Variants in KLK1 observed in about 807,000 individuals in gnomAD.
KLK1 encodes the protein kallikrein 1, also known as kallikrein-1.
A neutral mutation model predicts 23.3 loss-of-function variants in KLK1; 22 were observed. The ratio of observed to expected loss-of-function variants is 0.95; its 90% CI spans 0.68 to 1.35. KLK1 has a LOEUF of 1.35. Among genes scored for constraint, KLK1 ranks in the 40% most tolerant of loss-of-function variants. The probability of loss-of-function intolerance (pLI) is 0.00; values close to 1 mark genes in which losing one functional copy is unlikely to be tolerated. For missense variants in KLK1, 301 were observed against 338.9 expected, an observed-to-expected ratio of 0.89 and a Z score of 0.88; for synonymous variants, 140 against 135.8, an observed-to-expected ratio of 1.03 and a Z score of -0.21.
chr19:50,823,179 C>A (rs2089838533), intron 1 of KLK1, among the ~76,000 whole-genome samples: 1 of 152,066 alleles, frequency 6.6e-6, no homozygotes, highest in African/African-American at 2.4e-5. Context: ...CCTGGAAGGA[C>A]TGGGGAGACC....
At chr19:50,819,384 G>C in intron 4 of KLK1, 35 bp from the exon 5 acceptor site, 1 of 1,572,122 alleles carries the variant, frequency 6.4e-7, no homozygotes, top group South Asian at 1.2e-5. Context: ...GAGTGAGAAA[G>C]GTCTACGGGG....
chr19:50,819,863 C>T, intron 4 of KLK1, 36 bp downstream of exon 4: 1 of 1,607,346 alleles, frequency 6.2e-7, no homozygotes, highest in Non-Finnish European at 8.5e-7. Context: ...TCCCCTCCCT[C>T]AGCCCTTCCA....
Position 50,820,290 on chromosome 19 carries a change from G to T in KLK1, c.360C>A (p.Asp120Glu), listed in dbSNP as rs1354881463. 1 of 1,614,090 alleles carries T rather than the reference G, an allele frequency of 6.2e-7. No homozygotes were observed. The highest frequency in any genetic ancestry group is 2.2e-5 in the East Asian group (1 of 44,850). ...TRQADEDYSH[D>E]LMLLRLTEPA... Reference sequence around the variant, plus strand: ...GCTCTGTCAGGCGGAGCAGCATGAGGTCGTGGCTGTAGTCCTCGTCTGCTT... The same window carrying T: ...GCTCTGTCAGGCGGAGCAGCATGAGTTCGTGGCTGTAGTCCTCGTCTGCTT... The change falls in exon 3 of 5, where the codon GAC (aspartate) becomes GAA (glutamate). Residue 120 changes from aspartate to glutamate, a missense_variant. Transcript: ENST00000301420.
rs561849080 is a variant in KLK1 at position 50,819,840 on chromosome 19, T to C, written c.633+59A>G. On this transcript the variant is annotated intron_variant, in intron 4 of 4. Transcript: ENST00000301420. ...TGCCTGGTTAGCTCTCAGAAGCCAG[T>C]TCAGAGGCTGAGTCCCCTCCCTCAG... 24 of 1,569,168 alleles carry C rather than the reference T, an allele frequency of 1.5e-5. No individual in the cohort carries two copies. In the African/African-American group the frequency reaches 2.9e-4, roughly 19 times the overall value.
Position 50,822,878 on chromosome 19 carries a change from T to TG in KLK1, c.46+824dup, listed in dbSNP as rs769023790. The stretch of plus-strand genomic sequence containing the variant: ...GAGGTTGTAGAATCACATACTGACT[T>TG]GGGGGAGGCCAGGGCAGAAGCGCTG... On this transcript the variant is annotated intron_variant, in intron 1 of 4. Transcript: ENST00000301420. 3.0e-6 allele frequency: 3 copies of TG among 984,414 alleles called. 1 individual carries two copies. The allele number at this position is 984,414 out of a possible 1,614,324, so 61.0% of individuals were successfully genotyped here. A position where few individuals can be genotyped will look rare whatever the true frequency, so the allele number is the denominator to read the frequency against.
At chr19:50,819,864 A>G in intron 4 of KLK1, 35 bp downstream of exon 4, 1 of 1,607,678 alleles carries the variant, frequency 6.2e-7, no homozygotes, top group East Asian at 2.2e-5. Flanking sequence ...CCCCTCCCTC[A>G]GCCCTTCCAG....
At chr19:50,820,499 G>GGT in intron 2 of KLK1, 56 bp from the exon 3 acceptor site, 3 of 1,088,546 alleles carry the variant, frequency 2.8e-6, no homozygotes, top group East Asian at 2.6e-5. Flanking sequence ...AAGGGGATGG[G>GGT]GCAGGGGAGC....
intron 1 of KLK1, chr19:50,822,451 G>A: frequency 1.0e-6 from 1 of 985,616 alleles, no homozygotes; most frequent in Admixed American, 6.1e-5. Flanking sequence ...CCCTACATTG[G>A]GGTTGGAAGG....
In KLK1 at chr19:50,823,737, C is replaced by G. The variant is rs2089843848; in HGVS notation, c.12G>C (p.Leu4=). 6.2e-7 allele frequency: 1 copy of G among 1,611,336 alleles called. No homozygotes were observed. Among genetic ancestry groups the G allele is most frequent in the Non-Finnish European group, 8.5e-7 (1 of 1,178,006 alleles). MWF[L]VLCLALSLGG... is the part of the protein sequence containing the mutation. ...CCAGGGACAGGGCGAGGCACAGAAC[C>G]AGGAACCACATGGTGACAGAGGTGT... Residue 4 remains leucine, a synonymous_variant, in exon 1 of 5, where the codon CTG becomes CTC. Transcript: ENST00000301420.
At chr19:50,819,372 G>A (rs199953894) in intron 4 of KLK1, 23 bp from the exon 5 acceptor site, 2 of 1,593,654 alleles carry the variant, frequency 1.3e-6, no homozygotes, top group Non-Finnish European at 1.7e-6. Flanking sequence ...GGTGGGAGGG[G>A]AGAGTGAGAA....
intron 1 of KLK1, chr19:50,822,635 C>G (rs2089834928): frequency 1.0e-6 from 1 of 983,542 alleles, no homozygotes; most frequent in Admixed American, 6.4e-5. Flanking sequence ...GCGGTCAGGA[C>G]TGGGACGGGG....
Position 50,819,835 on chromosome 19 carries a change from G to A in KLK1, c.633+64C>T, listed in dbSNP as rs3212832. On this transcript the variant is annotated intron_variant, in intron 4 of 4. Coordinates refer to ENST00000301420, the MANE Select transcript of KLK1 (RefSeq NM_002257.4). ...GCAGATGCCTGGTTAGCTCTCAGAA[G>A]CCAGTTCAGAGGCTGAGTCCCCTCC... The A allele has an allele frequency of 1.5e-3, 2,313 of 1,535,548 alleles. 39 individuals carry two copies. In the African/African-American group the frequency reaches 0.027, roughly 18 times the overall value.
chr19:50,820,465 G>C, intron 2 of KLK1, 22 bp from the exon 3 acceptor site: 5 of 1,559,126 alleles, frequency 3.2e-6, no homozygotes, highest in Non-Finnish European at 4.4e-6. Flanking sequence ...TGGGAATGGA[G>C]GGATGAGAAG....
chr19:50,820,003 G>T lies in KLK1; in HGVS notation c.529C>A (p.Leu177Ile). 1 of 1,614,202 alleles carries T rather than the reference G, an allele frequency of 6.2e-7. No individual in the cohort carries two copies. Among genetic ancestry groups the T allele is most frequent in the African/African-American group, 1.3e-5 (1 of 75,038 alleles). The change falls in exon 4 of 5, where the codon CTC becomes ATC. Residue 177 changes from leucine to isoleucine, a missense_variant. Coordinates refer to ENST00000301420, the MANE Select transcript of KLK1 (RefSeq NM_002257.4). ...SFPDDLQCVD[L>I]KILPNDECKK... ...CACTCATCATTAGGCAGGATTTTGA[G>T]GTCCACACACTGGAGATCATCTGGA... is the stretch of plus-strand genomic sequence containing the variant.
rs373150051 is a variant in KLK1 at position 50,820,011 on chromosome 19, C to G, written c.521G>C (p.Cys174Ser). ...ATTAGGCAGGATTTTGAGGTCCACA[C>G]ACTGGAGATCATCTGGAAATGAGAC... The part of the protein sequence containing the change: ...ENFSFPDDLQ[C>S]VDLKILPNDE... Residue 174 changes from cysteine to serine, a missense_variant, in exon 4 of 5, where the codon TGT becomes TCT. Physicochemically the swap from Cys to Ser is moderately radical, Grantham distance 112 (BLOSUM62 -1). Transcript: ENST00000301420. The G allele has an allele frequency of 1.9e-6, 3 of 1,614,082 alleles. No individual in the cohort carries two copies. In the African/African-American group the frequency reaches 4.0e-5, roughly 22 times the overall value.
At chr19:50,822,296 T>C (rs1460327630) in intron 1 of KLK1, 2 of 993,476 alleles carry the variant, frequency 2.0e-6, no homozygotes, top group Non-Finnish European at 2.4e-6. Flanking sequence ...TGAGGAAGAA[T>C]CTGGAGGGCT....
At position 50,821,306 on chromosome 19, in the gene KLK1, G is replaced by T. The variant is rs1333929795; in HGVS notation, c.206+406C>A. 6.6e-6 allele frequency among the ~76,000 whole-genome samples: 1 copy of T among 152,156 alleles called. No individual in the cohort carries two copies. The highest frequency in any genetic ancestry group is 6.5e-5 in the Admixed American group (1 of 15,288). Reference sequence around the variant, plus strand: ...TGGGGCCTCCCTTAGGTCCATCTGGGTGTGTGTTTAGTAGGGATGAGGGAG... The same window carrying T: ...TGGGGCCTCCCTTAGGTCCATCTGGTTGTGTGTTTAGTAGGGATGAGGGAG... On this transcript the variant is annotated intron_variant, in intron 2 of 4. Coordinates refer to ENST00000301420, the MANE Select transcript of KLK1 (RefSeq NM_002257.4). The surrounding 1 kb of genome is among the most constrained non-coding windows in gnomAD (Gnocchi z 5.6).
In KLK1 at chr19:50,820,291, T is replaced by C; in HGVS notation, c.359A>G (p.Asp120Gly). Residue 120 changes from aspartate to glycine, a missense_variant, in exon 3 of 5, where the codon GAC becomes GGC. Coordinates refer to ENST00000301420, the MANE Select transcript of KLK1 (RefSeq NM_002257.4). ...CTCTGTCAGGCGGAGCAGCATGAGG[T>C]CGTGGCTGTAGTCCTCGTCTGCTTG... ...TRQADEDYSH[D>G]LMLLRLTEPA... The C allele has an allele frequency of 6.2e-7, 1 of 1,613,894 alleles. No homozygotes were observed. Among genetic ancestry groups the C allele is most frequent in the South Asian group, 1.1e-5 (1 of 91,060 alleles).
Position 50,819,312 on chromosome 19 carries a change from A to G in KLK1, c.671T>C (p.Leu224Pro). 1.2e-6 allele frequency: 2 copies of G among 1,614,016 alleles called. No homozygotes were observed. Among genetic ancestry groups the G allele is most frequent in the Non-Finnish European group, 1.7e-6 (2 of 1,179,912 alleles). The change falls in exon 5 of 5, where the codon CTC (leucine) becomes CCC (proline). Residue 224 changes from leucine (L) to proline (P), a missense_variant. Coordinates refer to ENST00000301420, the MANE Select transcript of KLK1 (RefSeq NM_002257.4). The part of the protein sequence containing the change: ...SGGPLMCDGV[L>P]QGVTSWGYVP... ...GTAGCCCCATGATGTGACACCTTGG[A>G]GCACACCATCACACATCAGCGGGCC...
Sources: allele counts gnomAD v4.1 joint callset (sites outside exome capture counted in the v4.1 genomes callset), GRCh38; gene constraint gnomAD v4.1.1; non-coding constraint Gnocchi (gnomAD v3.1); transcripts MANE v1.5; gene names NCBI Gene and HGNC (gene_info 2026-07-23, HGNC 2026-07-21).